SYNE3: variants seen among roughly 807,000 people sequenced by gnomAD.
SYNE3 encodes spectrin repeat containing nuclear envelope family member 3.
In SYNE3, 100 loss-of-function variants were observed where a neutral mutation model predicts 111.2. The observed-to-expected ratio is 0.90, with a 90% CI of 0.77 to 1.06. SYNE3 has a LOEUF of 1.06. Among genes scored for constraint, SYNE3 ranks in the 50% least tolerant of loss-of-function variants. SYNE3 has a pLI of 0.00. For missense variants in SYNE3, 1,160 were observed against 1,240.3 expected (o/e 0.94, Z 0.97); for synonymous variants, 547 against 533.9 (o/e 1.02, Z -0.34).
intron 17 of SYNE3, among the ~76,000 whole-genome samples, chr14:95,430,293 G>T (rs1434689334): frequency 6.6e-6 from 1 of 152,144 alleles, no homozygotes; most frequent in Non-Finnish European, 1.5e-5. Flanking sequence ...GCTAGAGTCG[G>T]TCTGGACACA....
At chr14:95,452,073 A>T in intron 7 of SYNE3, 174 bp downstream of exon 7, 1 of 739,580 alleles carries the variant, frequency 1.4e-6, no homozygotes, top group Non-Finnish European at 2.0e-6. Context: ...CAAAACAGTC[A>T]AAGGGGACAG....
At chr14:95,434,709 G>A (rs1234683180) in intron 15 of SYNE3, among the ~76,000 whole-genome samples, 1 of 152,178 alleles carries the variant, frequency 6.6e-6, no homozygotes, top group Non-Finnish European at 1.5e-5. Flanking sequence ...CCAGGCTGGA[G>A]TGCAATGGCG....
At chr14:95,423,189 G>A (rs1040975757) in intron 17 of SYNE3, among the ~76,000 whole-genome samples, 1 of 152,282 alleles carries the variant, frequency 6.6e-6, no homozygotes, top group African/African-American at 2.4e-5. Context: ...GAGAGGGATG[G>A]GACGATCTGA....
In SYNE3 at chr14:95,467,869, G is replaced by C. The variant is rs775669417; in HGVS notation, c.243C>G (p.Pro81=). The change falls in exon 3 of 18, where the codon CCC becomes CCG. Residue 81 remains proline, a synonymous_variant. Transcript: ENST00000682763. ...TGTCCTTCAGCCGGGCCAGGATCCC[G>C]GGCTTCTGGTCCCCAGGGCAGCATG... is the stretch of plus-strand genomic sequence containing the variant. ...LLACCPGDQK[P]GILARLKDIK... 6.2e-7 allele frequency: 1 copy of C among 1,614,052 alleles called. No homozygotes were observed. The highest frequency in any genetic ancestry group is 1.3e-5 in the African/African-American group (1 of 74,932).
chr14:95,486,870 G>C lies in SYNE3; in HGVS notation c.-14-11035C>G, dbSNP rs556136273. Among the ~76,000 whole-genome samples the C allele has an allele frequency of 2.6e-5, 4 of 152,272 alleles. No individual in the cohort carries two copies. The South Asian group carries it at 8.3e-4, about 32-fold the overall frequency. ...CAAAGAAATCCTCCTGACACCCCAAGGTGAGGGACCCCAGCCTGAAGGATA... is the reference window on the plus strand; with the variant it reads ...CAAAGAAATCCTCCTGACACCCCAACGTGAGGGACCCCAGCCTGAAGGATA... On this transcript the variant is annotated intron_variant, in intron 1 of 17. Coordinates refer to ENST00000682763, the MANE Select transcript of SYNE3 (RefSeq NM_152592.6).
At chr14:95,486,675 A>G (rs934413078) in intron 1 of SYNE3, among the ~76,000 whole-genome samples, 1 of 152,230 alleles carries the variant, frequency 6.6e-6, no homozygotes, top group African/African-American at 2.4e-5. Context: ...TGGCTGCACA[A>G]GAACACATCC....
In SYNE3 at chr14:95,515,212, A is replaced by T. The variant is rs367968344; in HGVS notation, c.-15+1384T>A. The stretch of plus-strand genomic sequence containing the variant: ...CCCCAGAGGGGCCTCTCTGGTTGAA[A>T]ACAACGCCTGGGGCCAGCAGGCTTG... On this transcript the variant is annotated intron_variant, in intron 1 of 17. Transcript: ENST00000682763. Among the ~76,000 whole-genome samples the T allele has an allele frequency of 2.0e-5, 3 of 152,280 alleles. No homozygotes were observed. The South Asian group carries it at 6.2e-4, about 32-fold the overall frequency.
At chr14:95,459,852 T>C (rs761831784) in intron 4 of SYNE3, among the ~76,000 whole-genome samples, 1 of 152,026 alleles carries the variant, frequency 6.6e-6, no homozygotes. Flanking sequence ...AATTCTAGCA[T>C]TTTGGGAGGT....
intron 1 of SYNE3, chr14:95,516,188 TG>T (rs1162594602): frequency 6.6e-6 from 1 of 152,292 alleles, no homozygotes; most frequent in Non-Finnish European, 1.5e-5. Context: ...AGGAGCGGAT[TG>T]GGCCCCCGCC....
chr14:95,444,220 A>G, intron 10 of SYNE3: 1 of 466,278 alleles, frequency 2.1e-6, no homozygotes. Flanking sequence ...AAAAACAAAT[A>G]CCAATGTTAG....
intron 15 of SYNE3, 80 bp downstream of exon 15, chr14:95,436,740 T>C: frequency 6.6e-7 from 1 of 1,515,122 alleles, no homozygotes; most frequent in South Asian, 1.2e-5. Flanking sequence ...GTGTGTTCCT[T>C]CTTTTGAAGA....
chr14:95,457,438 G>A, intron 4 of SYNE3, 100 bp from the exon 5 acceptor site: 1 of 1,416,324 alleles, frequency 7.1e-7, no homozygotes, highest in Non-Finnish European at 9.6e-7. Flanking sequence ...GTGTGTGTGT[G>A]TGTGTGTTAG....
At chr14:95,501,069 A>AG (rs1890317564) in intron 1 of SYNE3, among the ~76,000 whole-genome samples, 2 of 152,252 alleles carry the variant, frequency 1.3e-5, no homozygotes, top group African/African-American at 4.8e-5. Context: ...GCTACGACCC[A>AG]GGGGACAATG....
intron 8 of SYNE3, 125 bp downstream of exon 8, chr14:95,449,806 G>C: frequency 7.0e-7 from 1 of 1,425,300 alleles, no homozygotes; most frequent in Non-Finnish European, 9.4e-7. Flanking sequence ...CAGACCGGGC[G>C]CAGTGAGCTC....
chr14:95,443,152 T>C lies in SYNE3; in HGVS notation c.1911+3A>G. On this transcript the variant is annotated splice_donor_region_variant and intron_variant, in intron 11 of 17. Transcript: ENST00000682763. ...AGCACAGGCCCTTCTGCCAGCCCCT[T>C]ACCTCCAGAGACCTCTGCAGGGCCT... 3.1e-6 allele frequency: 5 copies of C among 1,613,744 alleles called. No individual in the cohort carries two copies. Among genetic ancestry groups the C allele is most frequent in the Non-Finnish European group, 4.2e-6 (5 of 1,179,844 alleles).
chr14:95,494,609 T>A (rs979494510), intron 1 of SYNE3, among the ~76,000 whole-genome samples: 1 of 152,020 alleles, frequency 6.6e-6, no homozygotes, highest in Non-Finnish European at 1.5e-5. Context: ...AGGGAGCCAG[T>A]GAGGGTTTGT....
chr14:95,499,856 C>CTTTTTTTTTTTTTTTTTTTTTTTTTT (rs10547044), intron 1 of SYNE3, among the ~76,000 whole-genome samples: 2 of 90,062 alleles, frequency 2.2e-5, no homozygotes, highest in African/African-American at 9.4e-5. Context: ...TAACTCTTGT[C>CTTTTTTTTTTTTTTTTTTTTTTTTTT]TTTTTTTTTT....
At chr14:95,434,647 G>T (rs1387787443) in intron 15 of SYNE3, among the ~76,000 whole-genome samples, 1 of 130,994 alleles carries the variant, frequency 7.6e-6, no homozygotes, top group Non-Finnish European at 1.6e-5. Context: ...TGGAGGAAAA[G>T]ATTATCCTAA....
intron 17 of SYNE3, among the ~76,000 whole-genome samples, chr14:95,421,029 C>A (rs947864965): frequency 7.9e-5 from 12 of 152,148 alleles, no homozygotes; most frequent in African/African-American, 2.9e-4. Flanking sequence ...AGGGGTTTCC[C>A]CTTTCACTTG....
Sources: allele counts gnomAD v4.1 joint callset (sites outside exome capture counted in the v4.1 genomes callset), GRCh38; gene constraint gnomAD v4.1.1; transcripts MANE v1.5; gene names NCBI Gene and HGNC (gene_info 2026-07-23, HGNC 2026-07-21).